Variants in LARP7 observed in about 807,000 individuals in gnomAD.
The protein encoded by LARP7 is la-related protein 7.
Under a neutral mutation model 69.3 loss-of-function variants are expected in LARP7, and 52 were observed. The observed-to-expected ratio is 0.75, with a 90% CI of 0.60 to 0.95. The LOEUF (loss-of-function observed/expected upper bound fraction) is 0.95, where lower values mean the gene tolerates loss of function less well. Ranked by LOEUF, LARP7 falls within the 40% of genes least tolerant of loss-of-function variation. The probability of loss-of-function intolerance (pLI) is 0.00; values close to 1 mark genes in which losing one functional copy is unlikely to be tolerated. For synonymous variants in LARP7, 254 were observed against 215.9 expected (o/e 1.18, Z -1.55); for missense variants, 733 against 673.0 (o/e 1.09, Z -0.99).
chr4:112,655,420 G>T (rs888864681), intron 12 of LARP7: 2 of 152,180 alleles, frequency 1.3e-5, no homozygotes, highest in East Asian at 1.9e-4. Flanking sequence ...CAGTTATGAC[G>T]TCAGGATTGT....
intron 10 of LARP7, among the ~76,000 whole-genome samples, chr4:112,652,644 A>G (rs779001137): frequency 1.3e-5 from 2 of 151,702 alleles, no homozygotes; most frequent in African/African-American, 2.4e-5. Context: ...ATTTGTACAC[A>G]TATTTTAAAG....
intron 1 of LARP7, among the ~76,000 whole-genome samples, chr4:112,643,843 C>G (rs1377048599): frequency 3.3e-5 from 5 of 150,686 alleles, no homozygotes; most frequent in African/African-American, 1.2e-4. Context: ...CAGAGGAAGA[C>G]TGCCTCAAAG....
At chr4:112,648,037 A>C (rs370548538) in intron 8 of LARP7, 5 of 661,384 alleles carry the variant, frequency 7.6e-6, no homozygotes, top group South Asian at 1.4e-5. Flanking sequence ...TATTTTTGTC[A>C]TGTCACAGCA....
chr4:112,653,378 C>T, intron 11 of LARP7, 142 bp downstream of exon 11: 1 of 505,186 alleles, frequency 2.0e-6, no homozygotes, highest in African/African-American at 2.0e-5. Flanking sequence ...GGTGTGATCT[C>T]AGCTCACCGC....
In LARP7 at chr4:112,650,515, AGTTC is replaced by A. The variant is rs2048678259; in HGVS notation, c.1352_1355del (p.Phe451Ter). On this transcript the variant is annotated frameshift_variant, in exon 10 of 13. Coordinates refer to ENST00000344442, the MANE Select transcript of LARP7 (RefSeq NM_016648.4). LOFTEE classifies it high-confidence loss of function. ...GAGAAAGTTAATGCAACAGGACCAC[AGTTC>A]GTGAGTGGAGTGATTGTGAAGATCA... The A allele has an allele frequency of 1.2e-6, 2 of 1,613,660 alleles. No individual in the cohort carries two copies. The highest frequency in any genetic ancestry group is 2.7e-5 in the African/African-American group (2 of 74,888).
chr4:112,647,457 A>G lies in LARP7; in HGVS notation c.905A>G (p.Asp302Gly). Residue 302 changes from aspartate to glycine, a missense_variant, in exon 7 of 13, where the codon GAT (aspartate) becomes GGT (glycine). Asp to Gly is a moderately conservative substitution (Grantham distance 94). Coordinates refer to ENST00000344442, the MANE Select transcript of LARP7 (RefSeq NM_016648.4). ...TGKRKRSSSE[D>G]AESLAPRSKV... ...AAGAGGAAGAGAAGCAGCTCTGAAGATGCAGAATCCCTAGCTCCCCGATCA... is the reference window on the plus strand; with the variant it reads ...AAGAGGAAGAGAAGCAGCTCTGAAGGTGCAGAATCCCTAGCTCCCCGATCA... 1.2e-6 allele frequency: 2 copies of G among 1,614,062 alleles called. No homozygotes were observed. The highest frequency in any genetic ancestry group is 1.7e-6 in the Non-Finnish European group (2 of 1,179,956).
chr4:112,648,385 CTTACTT>C (rs769821630), intron 8 of LARP7: 2 of 504,552 alleles, frequency 4.0e-6, no homozygotes, highest in Non-Finnish European at 8.2e-6. Flanking sequence ...CATGGAAGCA[CTTACTT>C]TTGTTTCACA....
chr4:112,647,168 A>G (rs775372810), intron 6 of LARP7, 31 bp from the exon 7 acceptor site: 9 of 1,593,782 alleles, frequency 5.6e-6, no homozygotes, highest in Non-Finnish European at 6.8e-6. Context: ...AGTTGAAGTA[A>G]GATGAACTAA....
At chr4:112,641,754 G>A (rs1295380701) in intron 1 of LARP7, among the ~76,000 whole-genome samples, 1 of 152,218 alleles carries the variant, frequency 6.6e-6, no homozygotes, top group East Asian at 1.9e-4. Flanking sequence ...AAATTGGTGG[G>A]AGGGGATTGT....
At chr4:112,652,417 GA>G (rs1002328636) in intron 10 of LARP7, among the ~76,000 whole-genome samples, 2 of 148,702 alleles carry the variant, frequency 1.3e-5, no homozygotes, top group Admixed American at 6.8e-5. Context: ...AACCTGCTGT[GA>G]AAAAAAAAGT....
At chr4:112,655,270 TA>T (rs2048909889) in intron 12 of LARP7, 1 of 152,234 alleles carries the variant, frequency 6.6e-6, no homozygotes, top group African/African-American at 2.4e-5. Context: ...CTTTGTTAAA[TA>T]ATACCCTTCT....
intron 1 of LARP7, among the ~76,000 whole-genome samples, chr4:112,638,984 T>C (rs1160090696): frequency 6.6e-6 from 1 of 152,150 alleles, no homozygotes; most frequent in Non-Finnish European, 1.5e-5. Context: ...GGTGATAAAT[T>C]GCGGGAAATT....
intron 8 of LARP7, chr4:112,648,392 T>C (rs767302290): frequency 3.7e-6 from 2 of 534,644 alleles, no homozygotes; most frequent in Non-Finnish European, 7.7e-6. Context: ...GCACTTACTT[T>C]TGTTTCACAC....
At chr4:112,644,421 C>G (rs1280341600) in intron 1 of LARP7, 1 of 1,047,366 alleles carries the variant, frequency 9.5e-7, no homozygotes, top group African/African-American at 1.7e-5. Flanking sequence ...TTATATTATT[C>G]TAGGATAATC....
At chr4:112,653,455 G>A (rs879709157) in intron 11 of LARP7, among the ~76,000 whole-genome samples, 28 of 151,406 alleles carry the variant, frequency 1.8e-4, no homozygotes, top group Non-Finnish European at 2.4e-4. Flanking sequence ...GATTACAGGC[G>A]TGTGTTACCA....
At chr4:112,655,562 T>A (rs2048922244) in intron 12 of LARP7, 1 of 152,218 alleles carries the variant, frequency 6.6e-6, no homozygotes, top group Non-Finnish European at 1.5e-5. Context: ...ATAATTAGTT[T>A]AGCCAACTTG....
Position 112,649,553 on chromosome 4 carries a change from GA to G in LARP7, c.1167del (p.Glu390SerfsTer3), listed in dbSNP as rs1386408458. Reference protein sequence around the residue: ...VLSKSEWMDLKKEYLALQKAS... With the variant: ...VLSKSEWMDLXKEYLALQKAS... Reference sequence around the variant, plus strand: ...CTTGTAGGAGCGAATGGATGGATTTGAAAAAAGAGTATTTAGCGCTACAAAA... The same window carrying G: ...CTTGTAGGAGCGAATGGATGGATTTGAAAAAGAGTATTTAGCGCTACAAAA... On this transcript the variant is annotated frameshift_variant, in exon 9 of 13. Coordinates refer to ENST00000344442, the MANE Select transcript of LARP7 (RefSeq NM_016648.4). LOFTEE classifies it high-confidence loss of function. 6.3e-7 allele frequency: 1 copy of G among 1,599,906 alleles called. No homozygotes were observed.
chr4:112,643,654 C>G (rs1375946099), intron 1 of LARP7, among the ~76,000 whole-genome samples: 1 of 151,944 alleles, frequency 6.6e-6, no homozygotes, highest in African/African-American at 2.4e-5. Context: ...TCGAGACCAG[C>G]CTGGCCAACA....
At chr4:112,653,277 C>T (rs940297702) in intron 11 of LARP7, 41 bp downstream of exon 11, 2 of 1,473,298 alleles carry the variant, frequency 1.4e-6, no homozygotes, top group Non-Finnish European at 9.1e-7. Context: ...TTGTTATCAT[C>T]CTTATTGTGA....
Sources: allele counts gnomAD v4.1 joint callset (sites outside exome capture counted in the v4.1 genomes callset), GRCh38; gene constraint gnomAD v4.1.1; transcripts MANE v1.5; gene names NCBI Gene and HGNC (gene_info 2026-07-23, HGNC 2026-07-21).